The following CTNNBL1 variants were observed in gnomAD, a reference collection of about 807,000 sequenced individuals.
CTNNBL1 encodes beta-catenin-like protein 1.
A neutral mutation model predicts 72.7 loss-of-function variants in CTNNBL1; 31 were observed. That is an observed-to-expected ratio of 0.43 (90% CI 0.32 to 0.58). The LOEUF is 0.58. CTNNBL1 is among the 20% of genes least tolerant of loss of function. CTNNBL1 has a pLI of 0.08. For missense variants in CTNNBL1, 534 were observed against 725.1 expected, an observed-to-expected ratio of 0.74 and a Z score of 3.03; for synonymous variants, 240 against 267.3, an observed-to-expected ratio of 0.90 and a Z score of 1.00.
intron 11 of CTNNBL1, among the ~76,000 whole-genome samples, chr20:37,824,278 C>T (rs561099120): frequency 1.3e-5 from 2 of 152,348 alleles, no homozygotes; most frequent in East Asian, 1.9e-4. Context: ...CAAGGTTCTT[C>T]GGAGTCCATG....
chr20:37,850,128 C>T (rs1396557611), intron 13 of CTNNBL1, among the ~76,000 whole-genome samples: 4 of 152,084 alleles, frequency 2.6e-5, no homozygotes, highest in Admixed American at 6.5e-5. Flanking sequence ...ATTATTGCAT[C>T]GCTATCACAG....
At chr20:37,737,630 C>G in intron 3 of CTNNBL1, 146 bp downstream of exon 3, 1 of 594,846 alleles carries the variant, frequency 1.7e-6, no homozygotes, top group Non-Finnish European at 3.0e-6. Flanking sequence ...TAGAAGGACT[C>G]CCAGGACTCA....
intron 5 of CTNNBL1, 114 bp from the exon 6 acceptor site, chr20:37,765,083 G>T: frequency 6.9e-6 from 5 of 725,328 alleles, no homozygotes; most frequent in Non-Finnish European, 9.8e-6. Context: ...ATAGATTGCT[G>T]CTTATTTACT....
intron 11 of CTNNBL1, among the ~76,000 whole-genome samples, chr20:37,828,614 A>T (rs2072181086): frequency 6.6e-6 from 1 of 152,240 alleles, no homozygotes; most frequent in Admixed American, 6.5e-5. Flanking sequence ...TGTGTAAAGC[A>T]CACACAGGCA....
chr20:37,807,520 A>G (rs2071970428), intron 11 of CTNNBL1, among the ~76,000 whole-genome samples: 1 of 152,214 alleles, frequency 6.6e-6, no homozygotes. Context: ...TATGCTAAGT[A>G]GTGAGTGACA....
At chr20:37,819,960 C>T (rs1031792957) in intron 11 of CTNNBL1, among the ~76,000 whole-genome samples, 1 of 151,336 alleles carries the variant, frequency 6.6e-6, no homozygotes, top group African/African-American at 2.4e-5. Context: ...CTGCAACCTC[C>T]GCATCCCGGG....
intron 1 of CTNNBL1, among the ~76,000 whole-genome samples, chr20:37,707,353 A>G (rs1168339903): frequency 6.6e-6 from 1 of 152,232 alleles, no homozygotes; most frequent in Non-Finnish European, 1.5e-5. Flanking sequence ...AGCCACCTTC[A>G]TCAATGATCT....
chr20:37,762,603 A>G (rs2073427858), intron 5 of CTNNBL1, among the ~76,000 whole-genome samples: 1 of 152,180 alleles, frequency 6.6e-6, no homozygotes, highest in Non-Finnish European at 1.5e-5. Context: ...ATCCCTAAGC[A>G]GGATTTGTTT....
intron 13 of CTNNBL1, among the ~76,000 whole-genome samples, chr20:37,851,517 A>G (rs891153183): frequency 1.3e-5 from 2 of 152,182 alleles, no homozygotes; most frequent in African/African-American, 2.4e-5. Flanking sequence ...CTATTTGTTT[A>G]TATGCTAATA....
At chr20:37,869,864 C>A (rs1454187277) in intron 15 of CTNNBL1, among the ~76,000 whole-genome samples, 1 of 152,154 alleles carries the variant, frequency 6.6e-6, no homozygotes, top group Non-Finnish European at 1.5e-5. Context: ...GCCTTTTCCT[C>A]TCTGGCTGTG....
At chr20:37,727,126 CATT>C (rs929165546) in intron 1 of CTNNBL1, among the ~76,000 whole-genome samples, 8 of 152,158 alleles carry the variant, frequency 5.3e-5, no homozygotes, top group Admixed American at 5.2e-4. Flanking sequence ...CACAGCCCCT[CATT>C]ATAGCTACAG....
chr20:37,766,834 G>A (rs944085517), intron 6 of CTNNBL1, among the ~76,000 whole-genome samples: 2 of 152,204 alleles, frequency 1.3e-5, no homozygotes, highest in African/African-American at 4.8e-5. Context: ...TTTTGTTCGA[G>A]TGAACAATAG....
intron 13 of CTNNBL1, among the ~76,000 whole-genome samples, chr20:37,844,639 A>G (rs1348234294): frequency 3.3e-5 from 5 of 152,134 alleles, no homozygotes; most frequent in African/African-American, 1.2e-4. Context: ...GGCCAGACAC[A>G]ATGGCTCACA....
At chr20:37,726,512 A>G (rs995308274) in intron 1 of CTNNBL1, among the ~76,000 whole-genome samples, 1 of 152,046 alleles carries the variant, frequency 6.6e-6, no homozygotes, top group Non-Finnish European at 1.5e-5. Context: ...TATTAATATA[A>G]AGAGAGAGAG....
intron 10 of CTNNBL1, among the ~76,000 whole-genome samples, chr20:37,793,842 G>A (rs368526819): frequency 1.3e-5 from 2 of 151,574 alleles, no homozygotes; most frequent in Admixed American, 6.6e-5. Flanking sequence ...GTGCAGTGGC[G>A]TGATCTCAGC....
At chr20:37,761,002 A>G (rs2073412721) in intron 5 of CTNNBL1, among the ~76,000 whole-genome samples, 1 of 151,042 alleles carries the variant, frequency 6.6e-6, no homozygotes, top group South Asian at 2.1e-4. Flanking sequence ...AAAAAAAAAA[A>G]GGAAGAAGTA....
At chr20:37,755,201 A>G (rs1231399863) in intron 4 of CTNNBL1, among the ~76,000 whole-genome samples, 1 of 152,180 alleles carries the variant, frequency 6.6e-6, no homozygotes, top group African/African-American at 2.4e-5. Flanking sequence ...GTAGCATAGC[A>G]CCAGACATGA....
At chr20:37,744,588 C>A (rs1370959326) in intron 3 of CTNNBL1, 1 of 152,184 alleles carries the variant, frequency 6.6e-6, no homozygotes, top group African/African-American at 2.4e-5. Context: ...GATTCATAGT[C>A]TCTTCTTGGA....
At chr20:37,746,808 C>A (rs1203660147) in intron 4 of CTNNBL1, among the ~76,000 whole-genome samples, 2 of 152,222 alleles carry the variant, frequency 1.3e-5, no homozygotes, top group Non-Finnish European at 2.9e-5. Flanking sequence ...TCTTGCAAAT[C>A]TTGGGCAATC....
Sources: allele counts gnomAD v4.1 joint callset (sites outside exome capture counted in the v4.1 genomes callset), GRCh38; gene constraint gnomAD v4.1.1; transcripts MANE v1.5; gene names NCBI Gene and HGNC (gene_info 2026-07-23, HGNC 2026-07-21).